The following TRDN variants were observed in gnomAD, a reference collection of about 807,000 sequenced individuals.
TRDN encodes the protein triadin in skeletal muscle.
A neutral mutation model predicts 149.7 loss-of-function variants in TRDN; 161 were observed. The observed-to-expected ratio is 1.08, with a 90% CI of 0.95 to 1.23. The LOEUF (loss-of-function observed/expected upper bound fraction) is 1.23, where lower values mean the gene tolerates loss of function less well. TRDN is among the 50% of genes most tolerant of loss of function. The probability of loss-of-function intolerance (pLI) is 0.00; values close to 1 mark genes in which losing one functional copy is unlikely to be tolerated. For missense variants in TRDN, 896 were observed against 823.5 expected, an observed-to-expected ratio of 1.09 and a Z score of -1.08; for synonymous variants, 294 against 250.5, an observed-to-expected ratio of 1.17 and a Z score of -1.64.
intron 1 of TRDN, among the ~76,000 whole-genome samples, chr6:123,633,562 A>G (rs1322482799): frequency 6.6e-6 from 1 of 152,082 alleles, no homozygotes; most frequent in African/African-American, 2.4e-5. Context: ...ATCAAGCTTA[A>G]TACAGTGCTT....
chr6:123,273,865 G>A (rs1459667598), intron 27 of TRDN, among the ~76,000 whole-genome samples: 2 of 151,942 alleles, frequency 1.3e-5, no homozygotes, highest in African/African-American at 4.8e-5. Flanking sequence ...CAGGTCAATT[G>A]CTAGTTGGTA....
chr6:123,364,431 G>C (rs533903631), intron 20 of TRDN, among the ~76,000 whole-genome samples: 16 of 152,256 alleles, frequency 1.1e-4, no homozygotes, highest in African/African-American at 3.9e-4. Context: ...AACGTCAAGA[G>C]ATTGAGACCA....
intron 7 of TRDN, chr6:123,509,664 T>G (rs956272348): frequency 6.6e-6 from 1 of 152,160 alleles, no homozygotes; most frequent in Non-Finnish European, 1.5e-5. Flanking sequence ...CCTTGTAAGA[T>G]TGTGAAACAG....
At chr6:123,333,546 A>T (rs1260097506) in intron 22 of TRDN, among the ~76,000 whole-genome samples, 1 of 152,074 alleles carries the variant, frequency 6.6e-6, no homozygotes, top group Non-Finnish European at 1.5e-5. Context: ...CATCACTTGC[A>T]CTGACTTTCC....
intron 8 of TRDN, among the ~76,000 whole-genome samples, chr6:123,498,959 A>G (rs1778566236): frequency 6.6e-6 from 1 of 152,090 alleles, no homozygotes. Flanking sequence ...CAAAATACAG[A>G]TTTTTGGGCT....
chr6:123,551,842 A>C (rs188410702), intron 2 of TRDN, among the ~76,000 whole-genome samples: 1 of 152,180 alleles, frequency 6.6e-6, no homozygotes, highest in East Asian at 1.9e-4. Context: ...AAAAAACATA[A>C]ATTCACAATT....
chr6:123,235,229 A>G (rs1196260536), intron 38 of TRDN, among the ~76,000 whole-genome samples: 2 of 152,126 alleles, frequency 1.3e-5, no homozygotes, highest in Non-Finnish European at 2.9e-5. Flanking sequence ...GCCAATAGGT[A>G]TTTCCCAAAG....
intron 16 of TRDN, among the ~76,000 whole-genome samples, chr6:123,378,634 A>C (rs1413373557): frequency 6.6e-6 from 1 of 152,136 alleles, no homozygotes; most frequent in Admixed American, 6.6e-5. Context: ...AGTTATTTTA[A>C]AATAATTCTC....
intron 10 of TRDN, among the ~76,000 whole-genome samples, chr6:123,439,222 C>T (rs1266537368): frequency 2.0e-5 from 3 of 152,104 alleles, no homozygotes; most frequent in Admixed American, 6.5e-5. Context: ...GTGCCTGGCT[C>T]ACAGTAAATG....
At chr6:123,535,160 G>A (rs1780463996) in intron 4 of TRDN, among the ~76,000 whole-genome samples, 1 of 152,014 alleles carries the variant, frequency 6.6e-6, no homozygotes, top group East Asian at 1.9e-4. Flanking sequence ...AGGGAAGAAG[G>A]GAAAAAGACA....
At chr6:123,421,861 C>A (rs1357923803) in intron 12 of TRDN, among the ~76,000 whole-genome samples, 2 of 149,442 alleles carry the variant, frequency 1.3e-5, no homozygotes, top group Non-Finnish European at 3.0e-5. Context: ...CTAGTCCCAG[C>A]AACTCAGGGG....
intron 1 of TRDN, among the ~76,000 whole-genome samples, chr6:123,612,809 C>A (rs1464961030): frequency 2.0e-5 from 3 of 152,156 alleles, no homozygotes; most frequent in Non-Finnish European, 4.4e-5. Context: ...TATTAATTTT[C>A]TTTGACTTTC....
At position 123,551,203 on chromosome 6, in the gene TRDN, G is replaced by GATATATAT. The variant is rs10547981; in HGVS notation, c.233-2599_233-2592dup. On this transcript the variant is annotated intron_variant, in intron 2 of 40. Transcript: ENST00000334268. Reference sequence around the variant, plus strand: ...TTAAATGCACTGTATGTATTTTGCAGATATATATATATATATATATTGCCT... The same window carrying GATATATAT: ...TTAAATGCACTGTATGTATTTTGCAGATATATATATATATATATATATATATATTGCCT... 8.0e-4 allele frequency among the ~76,000 whole-genome samples: 94 copies of GATATATAT among 118,102 alleles called. 10 individuals carry two copies. Among genetic ancestry groups the GATATATAT allele is most frequent in the South Asian group, 4.0e-3 (17 of 4,214 alleles). 77.5% of individuals were successfully genotyped at this position (118,102 alleles called of 152,430 possible). A position where few individuals can be genotyped will look rare whatever the true frequency, so the allele number is the denominator to read the frequency against.
intron 12 of TRDN, 104 bp downstream of exon 12, chr6:123,437,959 G>T: frequency 2.0e-6 from 2 of 994,030 alleles, no homozygotes; most frequent in Non-Finnish European, 3.0e-6. Context: ...GTCTTGGGTA[G>T]ATATAAGTAA....
At position 123,223,815 on chromosome 6, in the gene TRDN, T is replaced by C. The variant is rs192939629; in HGVS notation, c.2014+278A>G. On this transcript the variant is annotated intron_variant, in intron 39 of 40. Coordinates refer to ENST00000334268, the MANE Select transcript of TRDN (RefSeq NM_006073.4). ...ATTCTTGTAATTCTTAATGGAATAG[T>C]GATTTTGAAGTATTATTCCTGTAGA... Among the ~76,000 whole-genome samples, 448 of 151,720 alleles carry C rather than the reference T, an allele frequency of 3.0e-3. 3 individuals carry two copies. Among genetic ancestry groups the C allele is most frequent in the African/African-American group, 0.01 (425 of 41,452 alleles).
At chr6:123,328,896 AC>A (rs1321619134) in intron 23 of TRDN, among the ~76,000 whole-genome samples, 2 of 151,888 alleles carry the variant, frequency 1.3e-5, no homozygotes, top group East Asian at 3.9e-4. Context: ...AGAGCCCAGC[AC>A]CCCCGCAGCT....
At chr6:123,352,003 A>T (rs990547256) in intron 21 of TRDN, 2 of 977,808 alleles carry the variant, frequency 2.0e-6, no homozygotes, top group Non-Finnish European at 1.2e-6. Flanking sequence ...ATTTTATACC[A>T]TTATGATTTA....
intron 14 of TRDN, among the ~76,000 whole-genome samples, chr6:123,387,056 C>T (rs1781931512): frequency 6.6e-6 from 1 of 152,066 alleles, no homozygotes; most frequent in Non-Finnish European, 1.5e-5. Context: ...TCAGTGTACT[C>T]TACAGAGTCA....
chr6:123,297,605 A>C (rs1456920807), intron 24 of TRDN, among the ~76,000 whole-genome samples: 1 of 152,026 alleles, frequency 6.6e-6, no homozygotes. Context: ...AATCAGGCTT[A>C]CCTATCAATT....
Sources: gnomAD v4.1 joint callset for allele counts (sites outside exome capture counted in the v4.1 genomes callset) on GRCh38, gnomAD v4.1.1 for gene constraint, MANE v1.5 for transcripts, NCBI Gene and HGNC (gene_info 2026-07-23, HGNC 2026-07-21) for gene names.